The following TNRC6A variants were observed in gnomAD, a reference collection of about 807,000 sequenced individuals.
The protein encoded by TNRC6A is trinucleotide repeat-containing gene 6A protein.
In TNRC6A, 44 loss-of-function variants were observed where a neutral mutation model predicts 221.2. The ratio of observed to expected loss-of-function variants is 0.20; its 90% CI spans 0.16 to 0.26. The LOEUF is 0.26. Ranked by LOEUF, TNRC6A falls within the 10% of genes least tolerant of loss-of-function variation. The pLI is 1.00. For missense variants in TNRC6A, 2,199 were observed against 2,404.4 expected, an observed-to-expected ratio of 0.91 and a Z score of 1.79; for synonymous variants, 847 against 838.5, an observed-to-expected ratio of 1.01 and a Z score of -0.18.
intron 2 of TNRC6A, among the ~76,000 whole-genome samples, chr16:24,687,770 G>T (rs560401629): frequency 2.7e-5 from 4 of 150,834 alleles, no homozygotes; most frequent in African/African-American, 9.8e-5. Context: ...CTACACTCCC[G>T]TCTGGGTGAC....
At chr16:24,618,272 A>G (rs1277670075) in intron 1 of TNRC6A, among the ~76,000 whole-genome samples, 1 of 152,176 alleles carries the variant, frequency 6.6e-6, no homozygotes, top group Non-Finnish European at 1.5e-5. Context: ...GAGTAATTAC[A>G]GAAAACATCA....
At chr16:24,648,527 C>T (rs1213230344) in intron 2 of TNRC6A, among the ~76,000 whole-genome samples, 2 of 152,106 alleles carry the variant, frequency 1.3e-5, no homozygotes, top group South Asian at 2.1e-4. Context: ...GCCTTGGCCT[C>T]CCAAAGTGCT....
chr16:24,701,137 C>T (rs2055965802), intron 2 of TNRC6A, among the ~76,000 whole-genome samples: 1 of 152,180 alleles, frequency 6.6e-6, no homozygotes, highest in Non-Finnish European at 1.5e-5. Flanking sequence ...AGGCTCAAAG[C>T]CAAAATGTAT....
At chr16:24,656,470 A>AC (rs1323519090) in intron 2 of TNRC6A, among the ~76,000 whole-genome samples, 1 of 151,352 alleles carries the variant, frequency 6.6e-6, no homozygotes, top group Non-Finnish European at 1.5e-5. Flanking sequence ...CCATCTCAAA[A>AC]AAAAAAAAAA....
At chr16:24,640,390 A>G (rs1901877843) in intron 1 of TNRC6A, among the ~76,000 whole-genome samples, 1 of 149,714 alleles carries the variant, frequency 6.7e-6, no homozygotes, top group Admixed American at 6.7e-5. Flanking sequence ...ACAAAGTAAA[A>G]TCCTGTCCAA....
upstream of TNRC6A, among the ~76,000 whole-genome samples, chr16:24,726,905 T>C (rs1353296233): frequency 6.6e-6 from 1 of 152,184 alleles, no homozygotes; most frequent in Non-Finnish European, 1.5e-5. Context: ...GCACCAAGTT[T>C]AAGTAAGAGA....
chr16:24,706,767 A>G (rs1053722347), intron 2 of TNRC6A, among the ~76,000 whole-genome samples: 1 of 151,780 alleles, frequency 6.6e-6, no homozygotes, highest in Non-Finnish European at 1.5e-5. Flanking sequence ...ATTAGAATCT[A>G]GAAATAGACC....
rs1373975437 is a variant in TNRC6A at position 24,825,219 on chromosome 16, G to A, written c.*1412G>A. 6.6e-6 allele frequency: 1 copy of A among 152,492 alleles called. No individual in the cohort carries two copies. The highest frequency in any genetic ancestry group is 6.6e-5 in the Admixed American group (1 of 15,264). 9.4% of individuals were successfully genotyped at this position (152,492 alleles called of 1,614,324 possible). ...TCCCCCCTTTTTTTGCCCACAAATGGTATTATAATGCTTGCTTAGTCAAAG... is the reference window on the plus strand; with the variant it reads ...TCCCCCCTTTTTTTGCCCACAAATGATATTATAATGCTTGCTTAGTCAAAG... On this transcript the variant is annotated 3_prime_UTR_variant, in exon 25 of 25. Coordinates refer to ENST00000395799, the MANE Select transcript of TNRC6A (RefSeq NM_014494.4).
intron 1 of TNRC6A, among the ~76,000 whole-genome samples, chr16:24,614,130 G>A (rs961086849): frequency 6.6e-6 from 1 of 152,184 alleles, no homozygotes. Context: ...ATTGGCAGGG[G>A]CAATTGAAAT....
chr16:24,815,169 G>C lies in TNRC6A; in HGVS notation c.4695G>C (p.Arg1565Ser), dbSNP rs1364713564. ...SKHGAISSGF[R>S]LEESPFVPYD... is the part of the protein sequence containing the mutation. ...TAGGTGCTATTTCAAGTGGTTTCAGGCTGGAAGAGTCTCCATTTGTTCCCT... is the reference window on the plus strand; with the variant it reads ...TAGGTGCTATTTCAAGTGGTTTCAGCCTGGAAGAGTCTCCATTTGTTCCCT... The change falls in exon 19 of 25, where the codon AGG becomes AGC. Residue 1565 changes from arginine (R) to serine (S), a missense_variant. Arg to Ser is a moderately radical substitution (Grantham distance 110, BLOSUM62 -1). Transcript: ENST00000395799. 1.9e-6 allele frequency: 3 copies of C among 1,613,990 alleles called. No homozygotes were observed. The highest frequency in any genetic ancestry group is 2.2e-5 in the South Asian group (2 of 91,076).
intron 22 of TNRC6A, among the ~76,000 whole-genome samples, chr16:24,821,542 A>G (rs16974094): frequency 0.03 from 4,627 of 152,146 alleles, 243 homozygotes; most frequent in African/African-American, 0.11. Flanking sequence ...AGGTGCCTTG[A>G]GTTGCAGATG....
At chr16:24,642,785 A>G (rs561429644) in intron 2 of TNRC6A, among the ~76,000 whole-genome samples, 3 of 152,204 alleles carry the variant, frequency 2.0e-5, no homozygotes, top group Admixed American at 6.5e-5. Context: ...GTGCCACTGC[A>G]CTACAGCCGG....
chr16:24,689,327 G>T (rs1052419670), intron 2 of TNRC6A, among the ~76,000 whole-genome samples: 1 of 152,192 alleles, frequency 6.6e-6, no homozygotes, highest in Non-Finnish European at 1.5e-5. Context: ...TCTGGTGGCA[G>T]CGAGGAAGGT....
chr16:24,674,037 G>A (rs1410196791), intron 2 of TNRC6A, among the ~76,000 whole-genome samples: 4 of 152,040 alleles, frequency 2.6e-5, no homozygotes, highest in Non-Finnish European at 5.9e-5. Flanking sequence ...AGAGGAAAGG[G>A]AGCTGGGAAC....
At chr16:24,793,447 G>A in intron 6 of TNRC6A, 26 bp from the exon 7 acceptor site, 2 of 1,376,574 alleles carry the variant, frequency 1.5e-6, no homozygotes, top group Non-Finnish European at 9.5e-7. Context: ...CTATGCTGAT[G>A]ACTTCTTTTC....
intron 11 of TNRC6A, 32 bp from the exon 12 acceptor site, chr16:24,804,145 C>T: frequency 6.4e-7 from 1 of 1,553,398 alleles, no homozygotes; most frequent in South Asian, 1.3e-5. Flanking sequence ...GGGTTGTCTT[C>T]CTGTTTGATA....
At chr16:24,665,043 C>T in intron 2 of TNRC6A, 1 of 449,970 alleles carries the variant, frequency 2.2e-6, no homozygotes, top group Non-Finnish European at 4.5e-6. Flanking sequence ...GGAGGAAGGA[C>T]AAACTAACTT....
At chr16:24,706,437 C>T (rs1442049306) in intron 2 of TNRC6A, among the ~76,000 whole-genome samples, 2 of 152,016 alleles carry the variant, frequency 1.3e-5, no homozygotes, top group Non-Finnish European at 2.9e-5. Context: ...CTTGGCCGGG[C>T]GCAGTGGCTC....
intron 2 of TNRC6A, among the ~76,000 whole-genome samples, chr16:24,694,172 C>T (rs531017437): frequency 2.2e-4 from 33 of 152,254 alleles, no homozygotes; most frequent in African/African-American, 7.7e-4. Context: ...TCCCCTCTTA[C>T]AACACCCAGG....
Sources: gnomAD v4.1 joint callset for allele counts (sites outside exome capture counted in the v4.1 genomes callset) on GRCh38, gnomAD v4.1.1 for gene constraint, MANE v1.5 for transcripts, NCBI Gene and HGNC (gene_info 2026-07-23, HGNC 2026-07-21) for gene names.